Variants in PTPRU observed in about 807,000 individuals in gnomAD.
The protein encoded by PTPRU is protein tyrosine phosphatase receptor type U.
Under a neutral mutation model 166.3 loss-of-function variants are expected in PTPRU, and 69 were observed. The observed-to-expected ratio is 0.41, with a 90% confidence interval of 0.34 to 0.51. PTPRU has a LOEUF of 0.51. Among genes scored for constraint, PTPRU ranks in the 20% least tolerant of loss-of-function variants. The probability of loss-of-function intolerance (pLI) is 0.09; values close to 1 mark genes in which losing one functional copy is unlikely to be tolerated. For synonymous variants in PTPRU, 793 were observed against 814.0 expected, an observed-to-expected ratio of 0.97 and a Z score of 0.44; for missense variants, 1,657 against 2,013.7, an observed-to-expected ratio of 0.82 and a Z score of 3.39.
chr1:29,281,049 C>T (rs1044968278), intron 11 of PTPRU, among the ~76,000 whole-genome samples: 1 of 152,150 alleles, frequency 6.6e-6, no homozygotes, highest in Non-Finnish European at 1.5e-5. Flanking sequence ...TAGAGCCTCC[C>T]TGCCCTTCTG....
Position 29,325,823 on chromosome 1 carries a change from G to T in PTPRU, c.*162G>T. ...CTTGCTCCCCCTTCCACTGTGGGCA[G>T]GGCCTTTCGCTTGTCCCATGGGCGG... On this transcript the variant is annotated 3_prime_UTR_variant, in exon 30 of 30. Transcript: ENST00000373779. The T allele has an allele frequency of 1.2e-6, 1 of 811,248 alleles. No individual in the cohort carries two copies. The highest frequency in any genetic ancestry group is 2.9e-5 in the East Asian group (1 of 34,452). The allele number at this position is 811,248 out of a possible 1,614,324, so 50.3% of individuals were successfully genotyped here.
chr1:29,293,585 C>T (rs146549603), intron 15 of PTPRU, among the ~76,000 whole-genome samples: 1,618 of 150,972 alleles, frequency 0.011, 24 homozygotes, highest in African/African-American at 0.037. Context: ...TGCCATTCTT[C>T]TGCCTCAGTC....
At position 29,320,892 on chromosome 1, in the gene PTPRU, G is replaced by A. The variant is rs1688128893; in HGVS notation, c.3828+67G>A. 7.0e-7 allele frequency: 1 copy of A among 1,422,136 alleles called. No individual in the cohort carries two copies. Among genetic ancestry groups the A allele is most frequent in the Non-Finnish European group, 9.3e-7 (1 of 1,074,530 alleles). 88.1% of individuals were successfully genotyped at this position (1,422,136 alleles called of 1,614,324 possible). Reference sequence around the variant, plus strand: ...AGGTCCTCTGTGTATTCAGGGCCATGGTCCCCAAAGCCAAAAGTTGGGTCC... The same window carrying A: ...AGGTCCTCTGTGTATTCAGGGCCATAGTCCCCAAAGCCAAAAGTTGGGTCC... On this transcript the variant is annotated intron_variant, in intron 26 of 29. Transcript: ENST00000373779. This position sits in a 1 kb window ranked among gnomAD's most constrained non-coding sequence, Gnocchi z 5.2.
chr1:29,321,019 G>A (rs978177839), intron 26 of PTPRU, among the ~76,000 whole-genome samples, 194 bp downstream of exon 26: 3 of 152,122 alleles, frequency 2.0e-5, no homozygotes, highest in Non-Finnish European at 4.4e-5. Flanking sequence ...ATCACTAGTT[G>A]CTCTTTTTCT....
chr1:29,283,108 C>T (rs1257029389), intron 12 of PTPRU, among the ~76,000 whole-genome samples, 159 bp downstream of exon 12: 1 of 150,424 alleles, frequency 6.6e-6, no homozygotes, highest in African/African-American at 2.5e-5. Context: ...TCCTACAGCC[C>T]ACCCCCATAG....
chr1:29,266,903 T>G (rs1450039639), intron 7 of PTPRU, among the ~76,000 whole-genome samples: 1 of 152,152 alleles, frequency 6.6e-6, no homozygotes, highest in Admixed American at 6.5e-5. Context: ...ACATAGATTT[T>G]TTTTTCACTC....
chr1:29,258,578 C>G lies in PTPRU; in HGVS notation c.279C>G (p.Ser93Arg). 6.2e-7 allele frequency: 1 copy of G among 1,614,252 alleles called. No individual in the cohort carries two copies. Among genetic ancestry groups the G allele is most frequent in the South Asian group, 1.1e-5 (1 of 91,092 alleles). ...QRAHVIFQSL[S>R]ENDTHCVQFS... is the part of the protein sequence containing the mutation. ...CCCATGTCATCTTCCAGAGCCTGAGCGAGAATGATACCCACTGTGTGCAGT... is the reference window on the plus strand; with the variant it reads ...CCCATGTCATCTTCCAGAGCCTGAGGGAGAATGATACCCACTGTGTGCAGT... The change falls in exon 3 of 30, where the codon AGC (serine) becomes AGG (arginine). Residue 93 changes from serine (S) to arginine (R), a missense_variant. Around this residue, in one of 3 missense-constraint regions of PTPRU, gnomAD observed 453 missense variants for 496.9 expected, o/e 0.91. Coordinates refer to ENST00000373779, the MANE Select transcript of PTPRU (RefSeq NM_133178.4).
Position 29,236,809 on chromosome 1 carries a change from G to C in PTPRU, c.73+92G>C. On this transcript the variant is annotated intron_variant, in intron 1 of 29. Coordinates refer to ENST00000373779, the MANE Select transcript of PTPRU (RefSeq NM_133178.4). The surrounding 1 kb of genome is among the most constrained non-coding windows in gnomAD (Gnocchi z 4.6). ...GAAAGTGTGAGTGTTGAGTGACCGG[G>C]CGTTACGAGCGTGCTCCCTGTGTGT... is the stretch of plus-strand genomic sequence containing the variant. The C allele has an allele frequency of 2.6e-6, 3 of 1,167,308 alleles. No individual in the cohort carries two copies. The highest frequency in any genetic ancestry group is 3.3e-6 in the Non-Finnish European group (3 of 910,626). The allele number at this position is 1,167,308 out of a possible 1,614,324, so 72.3% of individuals were successfully genotyped here.
rs990049518 is a variant in PTPRU at position 29,259,633 on chromosome 1, C to G, written c.675+69C>G. On this transcript the variant is annotated intron_variant, in intron 5 of 29. Transcript: ENST00000373779. ...GGTTGGTGGCTGCTTCTGGCCCTGA[C>G]TCCCCCCAGATTGCTGAGTCCCTGC... 2.8e-6 allele frequency: 4 copies of G among 1,428,772 alleles called. No individual in the cohort carries two copies. The African/African-American group carries it at 4.2e-5, about 15-fold the overall frequency. 88.5% of individuals were successfully genotyped at this position (1,428,772 alleles called of 1,614,324 possible). A position where few individuals can be genotyped will look rare whatever the true frequency, so the allele number is the denominator to read the frequency against.
rs1687339188 is a variant in PTPRU, at chr1:29,305,359, G to T, written c.2751G>T (p.Arg917=). 6.2e-7 allele frequency: 1 copy of T among 1,613,804 alleles called. No individual in the cohort carries two copies. Among genetic ancestry groups the T allele is most frequent in the East Asian group, 2.2e-5 (1 of 44,878 alleles). Residue 917 remains arginine (R), a synonymous_variant, in exon 18 of 30, where the codon CGG becomes CGT. Transcript: ENST00000373779. ...SRQEPMPAYD[R]HRVKLHPMLG... Reference sequence around the variant, plus strand: ...CCTGCTCTGTGTTTACAGATGATCGGCACCGAGTGAAACTGCACCCGATGC... The same window carrying T: ...CCTGCTCTGTGTTTACAGATGATCGTCACCGAGTGAAACTGCACCCGATGC...
chr1:29,324,146 TTCCA>T (rs1247359979), intron 28 of PTPRU, among the ~76,000 whole-genome samples: 1 of 152,194 alleles, frequency 6.6e-6, no homozygotes, highest in Non-Finnish European at 1.5e-5. Context: ...ATGTGACTTT[TTCCA>T]TCCATCCATC....
rs1265044539 is a variant in PTPRU at position 29,291,140 on chromosome 1, G to A, written c.2319-729G>A. ...CCGTGAAGCTGGGCCTGGAGGGAGA[G>A]GAGGTCTCTCTTTCTCTTCCCTGCT... On this transcript the variant is annotated intron_variant, in intron 14 of 29. Coordinates refer to ENST00000373779, the MANE Select transcript of PTPRU (RefSeq NM_133178.4). This position sits in a 1 kb window ranked among gnomAD's most constrained non-coding sequence, Gnocchi z 4.1. 6.6e-6 allele frequency among the ~76,000 whole-genome samples: 1 copy of A among 151,758 alleles called. No homozygotes were observed. Among genetic ancestry groups the A allele is most frequent in the Non-Finnish European group, 1.5e-5 (1 of 67,902 alleles).
chr1:29,300,351 A>T (rs1205386565), intron 15 of PTPRU, among the ~76,000 whole-genome samples: 1 of 152,234 alleles, frequency 6.6e-6, no homozygotes, highest in Non-Finnish European at 1.5e-5. Context: ...AAGATTTAAA[A>T]TGCAAACAAA....
At chr1:29,288,980 C>T (rs558414466) in intron 14 of PTPRU, among the ~76,000 whole-genome samples, 1 of 152,256 alleles carries the variant, frequency 6.6e-6, no homozygotes, top group Non-Finnish European at 1.5e-5. Flanking sequence ...TAGTGGATCC[C>T]ACACCCAGGG....
chr1:29,307,748 GCTTTTTTTTTTTTTTT>G (rs756368675), intron 18 of PTPRU, among the ~76,000 whole-genome samples: 1 of 99,760 alleles, frequency 1.0e-5, no homozygotes. Context: ...TAAATATTAT[GCTTTTTTTTTTTTTTT>G]TTTTTTTTTT....
At position 29,237,560 on chromosome 1, in the gene PTPRU, CGCGTGT is replaced by C. The variant is rs950209413; in HGVS notation, c.73+853_73+858del. On this transcript the variant is annotated intron_variant, in intron 1 of 29. Transcript: ENST00000373779. This position sits in a 1 kb window ranked among gnomAD's most constrained non-coding sequence, Gnocchi z 6.4. Reference sequence around the variant, plus strand: ...GGGGCGGTGGCAGGACGTGTGTGCGCGCGTGTGCGTGTGCGCGTGTGTGGCGCGCTG... The same window carrying C: ...GGGGCGGTGGCAGGACGTGTGTGCGCGCGTGTGCGCGTGTGTGGCGCGCTG... Among the ~76,000 whole-genome samples, 5 of 150,184 alleles carry C rather than the reference CGCGTGT, an allele frequency of 3.3e-5. No individual in the cohort carries two copies. Among genetic ancestry groups the C allele is most frequent in the Admixed American group, 1.3e-4 (2 of 15,158 alleles).
chr1:29,291,855 A>AC lies in PTPRU; in HGVS notation c.2319-8dup. The AC allele has an allele frequency of 1.2e-6, 2 of 1,612,270 alleles. No homozygotes were observed. The highest frequency in any genetic ancestry group is 1.7e-6 in the Non-Finnish European group (2 of 1,179,382). On this transcript the variant is annotated splice_polypyrimidine_tract_variant and intron_variant, in intron 14 of 29. Coordinates refer to ENST00000373779, the MANE Select transcript of PTPRU (RefSeq NM_133178.4). The surrounding 1 kb of genome is among the most constrained non-coding windows in gnomAD (Gnocchi z 4.1). ...CACACAATGCCTGTGTCTCCCCTCA[A>AC]CCCCCCTCTCCAGGAAGCCGGTGAA...
Position 29,315,655 on chromosome 1 carries a change from G to T in PTPRU, c.3363+148G>T. Reference sequence around the variant, plus strand: ...CATCCCTGACCTTGGGCCGCCAACTGCATAGGGTCATCCTGAACTGCTCCC... The same window carrying T: ...CATCCCTGACCTTGGGCCGCCAACTTCATAGGGTCATCCTGAACTGCTCCC... On this transcript the variant is annotated intron_variant, in intron 23 of 29. Transcript: ENST00000373779. This position sits in a 1 kb window ranked among gnomAD's most constrained non-coding sequence, Gnocchi z 4.5. 1 of 1,197,698 alleles carries T rather than the reference G, an allele frequency of 8.3e-7. No individual in the cohort carries two copies. Among genetic ancestry groups the T allele is most frequent in the South Asian group, 1.4e-5 (1 of 72,118 alleles). 74.2% of individuals were successfully genotyped at this position (1,197,698 alleles called of 1,614,324 possible).
Position 29,311,827 on chromosome 1 carries a change from C to A in PTPRU, c.3072+68C>A. The A allele has an allele frequency of 6.9e-7, 1 of 1,447,006 alleles. No individual in the cohort carries two copies. Among genetic ancestry groups the A allele is most frequent in the Non-Finnish European group, 9.6e-7 (1 of 1,041,252 alleles). The allele number at this position is 1,447,006 out of a possible 1,614,324, so 89.6% of individuals were successfully genotyped here. ...CAGGGATTAGAGCCCACTCCCACTTCCCCCAGCCCTGGGAGCAGGAGGGTG... is the reference window on the plus strand; with the variant it reads ...CAGGGATTAGAGCCCACTCCCACTTACCCCAGCCCTGGGAGCAGGAGGGTG... On this transcript the variant is annotated intron_variant, in intron 21 of 29. Transcript: ENST00000373779. The surrounding 1 kb of genome is among the most constrained non-coding windows in gnomAD (Gnocchi z 4.1).
Sources: gnomAD v4.1 joint callset for allele counts (sites outside exome capture counted in the v4.1 genomes callset) on GRCh38, gnomAD v4.1.1 for gene constraint, gnomAD v4.1.1 regional missense constraint, Gnocchi (gnomAD v3.1) non-coding constraint, MANE v1.5 for transcripts, NCBI Gene and HGNC (gene_info 2026-07-23, HGNC 2026-07-21) for gene names.